Variants in AGMO observed in about 807,000 individuals in gnomAD.
AGMO encodes glyceryl-ether monooxygenase.
A neutral mutation model predicts 60.2 loss-of-function variants in AGMO; 75 were observed. The ratio of observed to expected loss-of-function variants is 1.25; its 90% CI spans 1.03 to 1.51. AGMO has a LOEUF of 1.51. Ranked by LOEUF, AGMO falls within the 40% of genes most tolerant of loss-of-function variation. The pLI is 0.00. For missense variants in AGMO, 763 were observed against 525.5 expected (o/e 1.45, Z -4.42); for synonymous variants, 261 against 177.1 (o/e 1.47, Z -3.76).
At chr7:15,355,058 C>G (rs1049834599) in intron 12 of AGMO, among the ~76,000 whole-genome samples, 1 of 151,924 alleles carries the variant, frequency 6.6e-6, no homozygotes, top group Non-Finnish European at 1.5e-5. Flanking sequence ...AACATAGTAC[C>G]ATGGACATAG....
At chr7:15,484,508 A>T (rs980785895) in intron 3 of AGMO, among the ~76,000 whole-genome samples, 2 of 152,180 alleles carry the variant, frequency 1.3e-5, no homozygotes, top group African/African-American at 4.8e-5. Flanking sequence ...ACATTGTAAA[A>T]TTCATCCACC....
intron 3 of AGMO, among the ~76,000 whole-genome samples, chr7:15,436,704 G>A (rs931492955): frequency 1.3e-5 from 2 of 151,996 alleles, no homozygotes; most frequent in Middle Eastern, 3.2e-3. Context: ...GTTTCTCATT[G>A]TTCTCTTTCT....
At chr7:15,365,035 A>C (rs1035040022) in intron 12 of AGMO, among the ~76,000 whole-genome samples, 18 of 152,046 alleles carry the variant, frequency 1.2e-4, no homozygotes. Flanking sequence ...ACAGAAGAAC[A>C]TATTTTTCAG....
At chr7:15,335,827 A>G (rs1781641622) in intron 12 of AGMO, among the ~76,000 whole-genome samples, 1 of 152,204 alleles carries the variant, frequency 6.6e-6, no homozygotes, top group Admixed American at 6.5e-5. Flanking sequence ...GCCATTCACA[A>G]TATTCGGATT....
intron 12 of AGMO, 86 bp from the exon 13 acceptor site, chr7:15,201,445 G>A (rs1158507138): frequency 4.2e-6 from 4 of 950,772 alleles, no homozygotes; most frequent in Non-Finnish European, 6.4e-6. Flanking sequence ...TTCCCTAGAG[G>A]AAAATGAACA....
chr7:15,277,279 T>C (rs191292351), intron 12 of AGMO, among the ~76,000 whole-genome samples: 3 of 151,678 alleles, frequency 2.0e-5, no homozygotes, highest in Non-Finnish European at 2.9e-5. Context: ...CACTCCAACA[T>C]GGGTTACAGA....
At chr7:15,457,462 G>A (rs565144966) in intron 3 of AGMO, among the ~76,000 whole-genome samples, 8 of 152,216 alleles carry the variant, frequency 5.3e-5, no homozygotes, top group African/African-American at 1.7e-4. Context: ...TACATTCTTA[G>A]AAACCCTACT....
chr7:15,117,345 C>T, the AGMO span, among the ~76,000 whole-genome samples: 55,278 of 151,792 alleles, frequency 0.36, 11,134 homozygotes, highest in East Asian at 0.69. Flanking sequence ...GTAATGGATA[C>T]TATGTAAATG....
chr7:15,258,433 T>G (rs1483756495), intron 12 of AGMO, among the ~76,000 whole-genome samples: 3 of 151,946 alleles, frequency 2.0e-5, no homozygotes, highest in Non-Finnish European at 4.4e-5. Flanking sequence ...TAGTCCCAGC[T>G]ACTCGGGAGG....
intron 5 of AGMO, among the ~76,000 whole-genome samples, chr7:15,411,128 C>A (rs1179697766): frequency 6.6e-6 from 1 of 151,736 alleles, no homozygotes. Context: ...AAATTTGCAC[C>A]CTATTTGCTC....
intron 12 of AGMO, among the ~76,000 whole-genome samples, chr7:15,290,571 T>C (rs927723623): frequency 1.3e-5 from 2 of 152,142 alleles, no homozygotes; most frequent in African/African-American, 4.8e-5. Flanking sequence ...GAGGTCCATC[T>C]TGAACATAAG....
At chr7:15,155,419 C>CTTTTTTTTTTTTTTTTTTTTTTT in the AGMO span, among the ~76,000 whole-genome samples, 6 of 63,926 alleles carry the variant, frequency 9.4e-5, no homozygotes, top group Non-Finnish European at 8.3e-5. Flanking sequence ...TACAGAATTT[C>CTTTTTTTTTTTTTTTTTTTTTTT]TTTTTTTTTT....
chr7:15,408,952 G>T (rs546689258), intron 5 of AGMO, among the ~76,000 whole-genome samples: 1 of 151,610 alleles, frequency 6.6e-6, no homozygotes, highest in Non-Finnish European at 1.5e-5. Flanking sequence ...TGGAATAATA[G>T]CATATGGAAA....
At chr7:15,143,088 T>G in the AGMO span, among the ~76,000 whole-genome samples, 1 of 152,198 alleles carries the variant, frequency 6.6e-6, no homozygotes, top group Admixed American at 6.5e-5. Context: ...ATTTATTATT[T>G]TTCCCTGGTT....
chr7:15,316,514 T>C (rs561460163), intron 12 of AGMO, among the ~76,000 whole-genome samples: 1 of 152,264 alleles, frequency 6.6e-6, no homozygotes, highest in African/African-American at 2.4e-5. Context: ...TCTTTATCTT[T>C]TGATAAGGAA....
At position 15,446,139 on chromosome 7, in the gene AGMO, AAGGC is replaced by A. The variant is rs758190444; in HGVS notation, c.410-15035_410-15032del. 3.3e-5 allele frequency among the ~76,000 whole-genome samples: 5 copies of A among 152,330 alleles called. No homozygotes were observed. In the South Asian group the frequency reaches 6.2e-4, roughly 19 times the overall value. Reference sequence around the variant, plus strand: ...ATGAAGCAAAATATTGTCAAAGCCTAAGGCCCATGTAGAACAGTCAAATAACAGC... The same window carrying A: ...ATGAAGCAAAATATTGTCAAAGCCTACCATGTAGAACAGTCAAATAACAGC... On this transcript the variant is annotated intron_variant, in intron 3 of 12. Transcript: ENST00000342526.
chr7:15,468,808 T>A (rs1782363082), intron 3 of AGMO, among the ~76,000 whole-genome samples: 1 of 152,096 alleles, frequency 6.6e-6, no homozygotes. Context: ...TGGATTGAGG[T>A]AATCCGGGCA....
chr7:15,430,586 G>T (rs1197337082), intron 4 of AGMO, among the ~76,000 whole-genome samples: 1 of 113,416 alleles, frequency 8.8e-6, no homozygotes, highest in African/African-American at 3.3e-5. Context: ...AGATTTTAGA[G>T]AATTAGTTGT....
the AGMO span, among the ~76,000 whole-genome samples, chr7:15,127,871 C>T: frequency 1.3e-5 from 2 of 151,382 alleles, no homozygotes; most frequent in African/African-American, 4.9e-5. Flanking sequence ...TTTTAGAATC[C>T]ATCTGATTTC....
Sources: gnomAD v4.1 joint callset for allele counts (sites outside exome capture counted in the v4.1 genomes callset) on GRCh38, gnomAD v4.1.1 for gene constraint, MANE v1.5 for transcripts, NCBI Gene and HGNC (gene_info 2026-07-23, HGNC 2026-07-21) for gene names.